The following SHROOM3 variants were observed in gnomAD, a reference collection of about 807,000 sequenced individuals.
The protein encoded by SHROOM3 is protein Shroom3.
A neutral mutation model predicts 138.6 loss-of-function variants in SHROOM3; 47 were observed. The ratio of observed to expected loss-of-function variants is 0.34; its 90% CI spans 0.27 to 0.43. SHROOM3 has a LOEUF of 0.43. SHROOM3 is among the 20% of genes least tolerant of loss of function. The probability of loss-of-function intolerance (pLI) is 1.00; values close to 1 mark genes in which losing one functional copy is unlikely to be tolerated. For synonymous variants in SHROOM3, 1,062 were observed against 1,063.3 expected, an observed-to-expected ratio of 1.00 and a Z score of 0.02; for missense variants, 2,491 against 2,596.5, an observed-to-expected ratio of 0.96 and a Z score of 0.88.
chr4:76,571,292 C>T (rs568736976), intron 2 of SHROOM3, among the ~76,000 whole-genome samples: 4 of 152,324 alleles, frequency 2.6e-5, no homozygotes, highest in Admixed American at 2.0e-4. Flanking sequence ...GCTTTTACAT[C>T]AGTAAAAACT....
chr4:76,643,814 T>C (rs1735744964), intron 2 of SHROOM3, among the ~76,000 whole-genome samples: 1 of 152,196 alleles, frequency 6.6e-6, no homozygotes, highest in African/African-American at 2.4e-5. Flanking sequence ...CAAATCATTA[T>C]TTACTGTTGG....
At chr4:76,580,788 T>C (rs1734036341) in intron 2 of SHROOM3, among the ~76,000 whole-genome samples, 1 of 152,210 alleles carries the variant, frequency 6.6e-6, no homozygotes, top group African/African-American at 2.4e-5. Flanking sequence ...ATGGTGATAA[T>C]AACAGTACCT....
chr4:76,630,490 C>T (rs770251579), intron 2 of SHROOM3, among the ~76,000 whole-genome samples: 2 of 152,164 alleles, frequency 1.3e-5, no homozygotes, highest in Non-Finnish European at 2.9e-5. Context: ...AAGCCACAGG[C>T]GAAGTCTAGC....
At chr4:76,764,249 T>G (rs6824061) in intron 9 of SHROOM3, among the ~76,000 whole-genome samples, 1 of 152,216 alleles carries the variant, frequency 6.6e-6, no homozygotes, top group Non-Finnish European at 1.5e-5. Flanking sequence ...CTAAAGACAG[T>G]GTAAATAATC....
chr4:76,720,470 T>A (rs755073948), intron 3 of SHROOM3, among the ~76,000 whole-genome samples: 58 of 152,332 alleles, frequency 3.8e-4, no homozygotes, highest in Non-Finnish European at 6.6e-4. Flanking sequence ...GTCCCAGTTT[T>A]CCATTGCTAT....
At chr4:76,477,219 T>C (rs987922926) in intron 1 of SHROOM3, among the ~76,000 whole-genome samples, 3 of 151,548 alleles carry the variant, frequency 2.0e-5, no homozygotes, top group Non-Finnish European at 4.4e-5. Context: ...CACCCCCCAC[T>C]CGGCCTCCCA....
chr4:76,527,233 T>A (rs1335546328), intron 1 of SHROOM3, among the ~76,000 whole-genome samples: 5 of 152,190 alleles, frequency 3.3e-5, no homozygotes, highest in Non-Finnish European at 5.9e-5. Context: ...GTTTTTCCCT[T>A]CATAAAATTT....
At chr4:76,776,559 A>G (rs1023009161) in intron 10 of SHROOM3, among the ~76,000 whole-genome samples, 8 of 152,168 alleles carry the variant, frequency 5.3e-5, no homozygotes, top group African/African-American at 1.9e-4. Context: ...CCATCTAGCT[A>G]TTTTAGGCTA....
At chr4:76,589,484 G>GA (rs1395274493) in intron 2 of SHROOM3, among the ~76,000 whole-genome samples, 264 of 123,644 alleles carry the variant, frequency 2.1e-3, no homozygotes, top group African/African-American at 7.6e-3. Flanking sequence ...AAAAAAAAAA[G>GA]AAAAAAGACT....
At position 76,442,768 on chromosome 4, in the gene SHROOM3, G is replaced by A. The variant is rs1176518979; in HGVS notation, c.168+6548G>A. 2.0e-5 allele frequency among the ~76,000 whole-genome samples: 3 copies of A among 152,098 alleles called. No individual in the cohort carries two copies. The East Asian group carries it at 5.8e-4, about 29-fold the overall frequency. ...CCTGTTAGACTGTTACCTTCCAGAAGCTAAAGACCCTTCATTGATTCCTTT... is the reference window on the plus strand; with the variant it reads ...CCTGTTAGACTGTTACCTTCCAGAAACTAAAGACCCTTCATTGATTCCTTT... On this transcript the variant is annotated intron_variant, in intron 1 of 10. Transcript: ENST00000296043.
rs796995239 is a variant in SHROOM3 at position 76,655,652 on chromosome 4, G to A, written c.324-54504G>A. 5.2e-4 allele frequency among the ~76,000 whole-genome samples: 79 copies of A among 152,316 alleles called. 1 individual carries two copies. Among genetic ancestry groups the A allele is most frequent in the Non-Finnish European group, 2.4e-4 (16 of 68,028 alleles). On this transcript the variant is annotated intron_variant, in intron 2 of 10. Coordinates refer to ENST00000296043, the MANE Select transcript of SHROOM3 (RefSeq NM_020859.4). ...CCAAGAAAAAACAAGATACAACACT[G>A]TAGGATTAGCTGCCCAATTTACTTA...
intron 9 of SHROOM3, among the ~76,000 whole-genome samples, chr4:76,762,020 C>T (rs1269215648): frequency 7.2e-5 from 11 of 152,262 alleles, no homozygotes; most frequent in Admixed American, 6.5e-4. Context: ...TATGGCCTTG[C>T]TATCCTCAAC....
chr4:76,710,072 T>G lies in SHROOM3; in HGVS notation c.324-84T>G, dbSNP rs190159786. On this transcript the variant is annotated intron_variant, in intron 2 of 10. Transcript: ENST00000296043. ...TCTGGCTCCGGGGTTCGTTTTCATG[T>G]GCTTTTTCGGTTTTTAAGATTCATT... The G allele has an allele frequency of 4.4e-6, 7 of 1,598,774 alleles. No individual in the cohort carries two copies. In the East Asian group the frequency reaches 1.1e-4, roughly 26 times the overall value.
chr4:76,747,098 G>A (rs11731077), intron 5 of SHROOM3, among the ~76,000 whole-genome samples: 10,927 of 152,130 alleles, frequency 0.072, 506 homozygotes, highest in Non-Finnish European at 0.1. Flanking sequence ...GATCACAGGC[G>A]TGAGCCACCG....
chr4:76,479,535 G>A (rs1731561074), intron 1 of SHROOM3, among the ~76,000 whole-genome samples: 1 of 152,128 alleles, frequency 6.6e-6, no homozygotes, highest in Non-Finnish European at 1.5e-5. Flanking sequence ...CGAGGAGATG[G>A]AATCAAGTTG....
intron 9 of SHROOM3, among the ~76,000 whole-genome samples, chr4:76,761,135 G>A (rs913286275): frequency 3.3e-5 from 5 of 152,038 alleles, no homozygotes; most frequent in Non-Finnish European, 7.4e-5. Flanking sequence ...CATCAACCAG[G>A]TAGCGAGCAT....
intron 2 of SHROOM3, among the ~76,000 whole-genome samples, chr4:76,586,715 G>A (rs1252399107): frequency 2.0e-5 from 3 of 152,274 alleles, no homozygotes; most frequent in Admixed American, 6.5e-5. Flanking sequence ...CAGGCAACGG[G>A]CACTTTTTCC....
At position 76,768,533 on chromosome 4, in the gene SHROOM3, CAG is replaced by C. The variant is rs556404760; in HGVS notation, c.5350-2090_5350-2089del. On this transcript the variant is annotated intron_variant, in intron 9 of 10. Transcript: ENST00000296043. ...GGTGCAGCAGATGTGATTTTTGAGA[CAG>C]AGTCTCATTCTGTTACCCAGGCTGG... 1.5e-3 allele frequency among the ~76,000 whole-genome samples: 223 copies of C among 152,282 alleles called. 1 individual carries two copies. The highest frequency in any genetic ancestry group is 4.7e-3 in the African/African-American group (197 of 41,566).
chr4:76,766,355 C>G (rs1032102706), intron 9 of SHROOM3, among the ~76,000 whole-genome samples: 1 of 152,194 alleles, frequency 6.6e-6, no homozygotes, highest in African/African-American at 2.4e-5. Context: ...TATGTCAGAG[C>G]CTCCTGCCTC....
Sources: allele counts gnomAD v4.1 joint callset (sites outside exome capture counted in the v4.1 genomes callset), GRCh38; gene constraint gnomAD v4.1.1; transcripts MANE v1.5; gene names NCBI Gene and HGNC (gene_info 2026-07-23, HGNC 2026-07-21).